Variants in SUGCT observed in about 807,000 individuals in gnomAD.
SUGCT encodes the protein succinyl-CoA:glutarate CoA-transferase.
In SUGCT, 41 loss-of-function variants were observed where a neutral mutation model predicts 55.0. That is an observed-to-expected ratio of 0.74 (90% CI 0.58 to 0.97). SUGCT has a LOEUF of 0.97. SUGCT is among the 50% of genes least tolerant of loss of function. The pLI, the probability that SUGCT is intolerant of heterozygous loss-of-function variation, is 0.00. For synonymous variants in SUGCT, 187 were observed against 200.4 expected (o/e 0.93, Z 0.56); for missense variants, 568 against 547.8 (o/e 1.04, Z -0.37).
At chr7:40,811,261 C>T (rs987113242) in intron 13 of SUGCT, among the ~76,000 whole-genome samples, 2 of 152,058 alleles carry the variant, frequency 1.3e-5, no homozygotes, top group Admixed American at 1.3e-4. Context: ...TTTTTTGGTT[C>T]CATATGAACT....
chr7:40,676,504 G>GTTTTTTTTTTTT (rs70990639), intron 12 of SUGCT, among the ~76,000 whole-genome samples: 1 of 129,096 alleles, frequency 7.7e-6, no homozygotes, highest in Non-Finnish European at 1.6e-5. Flanking sequence ...TTTGTTTTTT[G>GTTTTTTTTTTTT]TTTTTTTTTT....
intron 12 of SUGCT, among the ~76,000 whole-genome samples, chr7:40,680,788 A>C (rs1784201407): frequency 1.3e-5 from 2 of 152,194 alleles, no homozygotes. Flanking sequence ...ATGTGTGGCC[A>C]ATGTAGTCAT....
intron 11 of SUGCT, among the ~76,000 whole-genome samples, chr7:40,467,438 C>T (rs937388965): frequency 1.4e-4 from 22 of 151,974 alleles, no homozygotes; most frequent in African/African-American, 5.3e-4. Flanking sequence ...TCCTTTGTGT[C>T]TCAACAATCT....
intron 12 of SUGCT, among the ~76,000 whole-genome samples, chr7:40,708,572 T>G (rs1195644174): frequency 6.6e-6 from 1 of 152,138 alleles, no homozygotes; most frequent in African/African-American, 2.4e-5. Context: ...CATGTTCTTC[T>G]TGTGAATATG....
intron 12 of SUGCT, among the ~76,000 whole-genome samples, chr7:40,677,268 CT>C (rs1784040699): frequency 6.6e-6 from 1 of 152,152 alleles, no homozygotes; most frequent in Non-Finnish European, 1.5e-5. Flanking sequence ...AGCACCCCTT[CT>C]TGGTTCAAAA....
chr7:40,884,175 C>G, the SUGCT span, among the ~76,000 whole-genome samples: 1 of 152,302 alleles, frequency 6.6e-6, no homozygotes, highest in African/African-American at 2.4e-5. Context: ...GAAGAGTCCA[C>G]TGGAAAACTT....
At chr7:40,242,933 ATTTTTTTTTTTTT>A (rs70996894) in intron 7 of SUGCT, among the ~76,000 whole-genome samples, 6 of 17,216 alleles carry the variant, frequency 3.5e-4, no homozygotes, top group African/African-American at 9.1e-4. Context: ...ATATATATAT[ATTTTTTTTTTTTT>A]TTTTTTTTTT....
intron 9 of SUGCT, among the ~76,000 whole-genome samples, chr7:40,418,528 G>A (rs1787130938): frequency 1.3e-5 from 2 of 152,194 alleles, no homozygotes; most frequent in African/African-American, 4.8e-5. Flanking sequence ...AGAATAATGA[G>A]TTTGTACCAG....
In SUGCT at chr7:40,814,572, A is replaced by T. The variant is rs114977293; in HGVS notation, c.1154-45744A>T. ...GCTCTGTTTGATTTTTTTTTTAAAG[A>T]TGTTTACCTCTTCCTTCATTTCCTT... On this transcript the variant is annotated intron_variant, in intron 13 of 13. Coordinates refer to ENST00000335693, the MANE Select transcript of SUGCT (RefSeq NM_001193313.2). 2.2e-3 allele frequency among the ~76,000 whole-genome samples: 329 copies of T among 151,430 alleles called. 3 individuals are homozygous for T. Among genetic ancestry groups the T allele is most frequent in the African/African-American group, 7.4e-3 (307 of 41,304 alleles).
intron 12 of SUGCT, among the ~76,000 whole-genome samples, chr7:40,685,521 C>A (rs1241247270): frequency 6.6e-6 from 1 of 152,180 alleles, no homozygotes; most frequent in Non-Finnish European, 1.5e-5. Flanking sequence ...CCATCTTTAT[C>A]TTTGATTGGT....
chr7:40,893,711 G>A, the SUGCT span, among the ~76,000 whole-genome samples: 153 of 152,234 alleles, frequency 1.0e-3, no homozygotes, highest in Middle Eastern at 6.8e-3. Context: ...GAATAGCCAA[G>A]GCAATCCTAG....
intron 12 of SUGCT, among the ~76,000 whole-genome samples, chr7:40,503,077 C>G (rs1298093888): frequency 1.3e-5 from 2 of 152,006 alleles, no homozygotes; most frequent in East Asian, 3.9e-4. Flanking sequence ...TTTTCTCATA[C>G]AAATAATGTC....
the SUGCT span, among the ~76,000 whole-genome samples, chr7:40,951,970 C>T: frequency 1.8e-4 from 28 of 152,122 alleles, no homozygotes; most frequent in South Asian, 8.3e-4. Context: ...CTTTTAGGTC[C>T]GCTTGGTGCA....
the SUGCT span, among the ~76,000 whole-genome samples, chr7:41,006,110 G>C: frequency 3.3e-5 from 5 of 152,150 alleles, no homozygotes; most frequent in African/African-American, 1.2e-4. Flanking sequence ...AAGCTTTTCA[G>C]TAAAAAGCCC....
intron 6 of SUGCT, among the ~76,000 whole-genome samples, chr7:40,214,079 C>T (rs1443973583): frequency 5.3e-5 from 8 of 152,256 alleles, no homozygotes; most frequent in Non-Finnish European, 1.0e-4. Context: ...ATGAACTCAG[C>T]GGTTTGAACC....
At chr7:41,012,782 T>A in the SUGCT span, among the ~76,000 whole-genome samples, 4 of 151,972 alleles carry the variant, frequency 2.6e-5, no homozygotes, top group Non-Finnish European at 4.4e-5. Flanking sequence ...AAAATTAAAA[T>A]GAAGCAGAAG....
At chr7:40,191,022 A>C (rs1458742684) in intron 5 of SUGCT, among the ~76,000 whole-genome samples, 1 of 151,946 alleles carries the variant, frequency 6.6e-6, no homozygotes, top group Non-Finnish European at 1.5e-5. Flanking sequence ...CAAGTCTCAA[A>C]CTTATTTATT....
chr7:40,922,248 C>T, the SUGCT span, among the ~76,000 whole-genome samples: 1 of 152,158 alleles, frequency 6.6e-6, no homozygotes, highest in African/African-American at 2.4e-5. Flanking sequence ...TGTCACCTAT[C>T]CCAGAGTTTC....
At chr7:40,625,212 T>C (rs1015109519) in intron 12 of SUGCT, among the ~76,000 whole-genome samples, 1 of 152,168 alleles carries the variant, frequency 6.6e-6, no homozygotes, top group Non-Finnish European at 1.5e-5. Flanking sequence ...GCTGCATTTT[T>C]CTCTGTGCTC....
Sources: allele counts gnomAD v4.1 joint callset (sites outside exome capture counted in the v4.1 genomes callset), GRCh38; gene constraint gnomAD v4.1.1; transcripts MANE v1.5; gene names NCBI Gene and HGNC (gene_info 2026-07-23, HGNC 2026-07-21).